Variants in EHHADH observed in about 807,000 individuals in gnomAD.
EHHADH encodes the protein enoyl-CoA hydratase and 3-hydroxyacyl CoA dehydrogenase.
In EHHADH, 48 loss-of-function variants were observed where a neutral mutation model predicts 64.4. The ratio of observed to expected loss-of-function variants is 0.75; its 90% confidence interval spans 0.59 to 0.95. The LOEUF (loss-of-function observed/expected upper bound fraction) is 0.95, where lower values mean the gene tolerates loss of function less well. Among genes scored for constraint, EHHADH ranks in the 40% least tolerant of loss-of-function variants. The pLI is 0.00. For synonymous variants in EHHADH, 308 were observed against 326.7 expected, an observed-to-expected ratio of 0.94 and a Z score of 0.62; for missense variants, 854 against 876.6, an observed-to-expected ratio of 0.97 and a Z score of 0.33.
intron 1 of EHHADH, 177 bp downstream of exon 1, chr3:185,253,772 A>AAGAAAG: frequency 2.3e-6 from 3 of 1,332,156 alleles, no homozygotes; most frequent in Admixed American, 6.5e-5. Flanking sequence ...AAAAAAAAAA[A>AAGAAAG]AAAAGAAAAG....
chr3:185,192,314 C>T lies in EHHADH; in HGVS notation c.2084G>A (p.Ser695Asn), dbSNP rs779197565. The T allele has an allele frequency of 6.2e-7, 1 of 1,614,122 alleles. No homozygotes were observed. The highest frequency in any genetic ancestry group is 1.1e-5 in the South Asian group (1 of 91,072). Residue 695 changes from serine to asparagine, a missense_variant, in exon 7 of 7, where the codon AGT becomes AAT. Coordinates refer to ENST00000231887, the MANE Select transcript of EHHADH (RefSeq NM_001966.4). ...AGAAGCCAGTTTTTTTAGATAGTCA[C>T]TTGGCTCCAGTTGGGGAATATCAGG... ...QNPDIPQLEP[S>N]DYLKKLASQG...
intron 6 of EHHADH, among the ~76,000 whole-genome samples, chr3:185,200,034 G>A (rs1718182812): frequency 6.6e-6 from 1 of 152,206 alleles, no homozygotes; most frequent in Non-Finnish European, 1.5e-5. Flanking sequence ...TTATCATGGA[G>A]AATGGCAGAG....
At chr3:185,215,231 T>C (rs1476536115) in intron 5 of EHHADH, among the ~76,000 whole-genome samples, 1 of 152,188 alleles carries the variant, frequency 6.6e-6, no homozygotes, top group Non-Finnish European at 1.5e-5. Context: ...CTACAAAGAC[T>C]TGTGTAGGCC....
chr3:185,235,884 G>A (rs1018379697), intron 2 of EHHADH, among the ~76,000 whole-genome samples: 2 of 152,102 alleles, frequency 1.3e-5, no homozygotes, highest in Non-Finnish European at 2.9e-5. Flanking sequence ...TCTATTCACA[G>A]CAACTTAGCT....
At chr3:185,224,034 TA>T (rs1718904953) in intron 4 of EHHADH, among the ~76,000 whole-genome samples, 2 of 152,182 alleles carry the variant, frequency 1.3e-5, no homozygotes, top group South Asian at 4.1e-4. Context: ...TTACCTGTCT[TA>T]TGGATTTCAG....
At chr3:185,229,340 A>G (rs1719090851) in intron 4 of EHHADH, 92 bp downstream of exon 4, 3 of 613,558 alleles carry the variant, frequency 4.9e-6, no homozygotes, top group Non-Finnish European at 7.4e-6. Flanking sequence ...TTATGGTTAC[A>G]TAGGGAGTAG....
chr3:185,221,882 A>T (rs1032954329), intron 4 of EHHADH, among the ~76,000 whole-genome samples: 1 of 151,720 alleles, frequency 6.6e-6, no homozygotes, highest in Non-Finnish European at 1.5e-5. Context: ...CCCGCCTCAC[A>T]TTATTTTCTA....
intron 2 of EHHADH, among the ~76,000 whole-genome samples, chr3:185,235,992 TTA>T (rs1719281831): frequency 1.3e-5 from 2 of 152,182 alleles, no homozygotes; most frequent in African/African-American, 2.4e-5. Context: ...CAGCTTAGAA[TTA>T]TGTTTTTGTA....
At chr3:185,236,365 C>CCCCCCACCATCCCAGGCCTGCA (rs1719294698) in intron 2 of EHHADH, among the ~76,000 whole-genome samples, 1 of 134,284 alleles carries the variant, frequency 7.4e-6, no homozygotes, top group Non-Finnish European at 1.6e-5. Flanking sequence ...CAATCCCTGC[C>CCCCCCACCATCCCAGGCCTGCA]CCCCCACCCT....
chr3:185,237,837 T>G (rs58949226), intron 2 of EHHADH, among the ~76,000 whole-genome samples: 2,157 of 152,296 alleles, frequency 0.014, 62 homozygotes, highest in African/African-American at 0.049. Flanking sequence ...AGTCTGGGTT[T>G]TTGGTGTGCC....
intron 2 of EHHADH, among the ~76,000 whole-genome samples, chr3:185,244,773 C>A (rs1294617163): frequency 1.3e-5 from 2 of 152,138 alleles, no homozygotes; most frequent in African/African-American, 4.8e-5. Flanking sequence ...AGGAAGGATT[C>A]TTCCCTAAAG....
At chr3:185,210,526 C>T (rs900419343) in intron 5 of EHHADH, among the ~76,000 whole-genome samples, 4 of 150,794 alleles carry the variant, frequency 2.7e-5, no homozygotes, top group East Asian at 3.9e-4. Flanking sequence ...AGCTACTACT[C>T]GGGAGGCTGA....
At position 185,206,583 on chromosome 3, in the gene EHHADH, TTTG is replaced by T. The variant is rs1454121008; in HGVS notation, c.569-1829_569-1827del. 2.6e-5 allele frequency among the ~76,000 whole-genome samples: 4 copies of T among 152,090 alleles called. No homozygotes were observed. The East Asian group carries it at 7.7e-4, about 29-fold the overall frequency. ...TGGCTCACGCCTGTAATCCTAGCAC[TTTG>T]GGAGGCCGAGGCGGGTGGATTGTCT... On this transcript the variant is annotated intron_variant, in intron 5 of 6. Coordinates refer to ENST00000231887, the MANE Select transcript of EHHADH (RefSeq NM_001966.4).
Position 185,192,530 on chromosome 3 carries a change from C to A in EHHADH, c.1868G>T (p.Cys623Phe). The A allele has an allele frequency of 6.2e-7, 1 of 1,614,190 alleles. No individual in the cohort carries two copies. ...TISQDEILER[C>F]LYSLINEAFR... Reference sequence around the variant, plus strand: ...TGCTTCATTGATAAGTGAATATAAGCAGCGTTCAAGGATCTCATCCTGGCT... The same window carrying A: ...TGCTTCATTGATAAGTGAATATAAGAAGCGTTCAAGGATCTCATCCTGGCT... Residue 623 changes from cysteine (C) to phenylalanine (F), a missense_variant, in exon 7 of 7, where the codon TGC (cysteine) becomes TTC (phenylalanine). Coordinates refer to ENST00000231887, the MANE Select transcript of EHHADH (RefSeq NM_001966.4).
chr3:185,235,529 G>T, intron 2 of EHHADH, 67 bp from the exon 3 acceptor site: 1 of 1,298,848 alleles, frequency 7.7e-7, no homozygotes, highest in Non-Finnish European at 1.0e-6. Flanking sequence ...ATAACAGTAA[G>T]TTACCTGATA....
chr3:185,240,217 A>G (rs1719409967), intron 2 of EHHADH, among the ~76,000 whole-genome samples: 2 of 144,334 alleles, frequency 1.4e-5, no homozygotes, highest in African/African-American at 5.1e-5. Flanking sequence ...ATTGGCCTTT[A>G]GTTTTTGTTT....
chr3:185,199,214 T>A (rs945602733), intron 6 of EHHADH, among the ~76,000 whole-genome samples: 2 of 152,172 alleles, frequency 1.3e-5, no homozygotes, highest in African/African-American at 4.8e-5. Context: ...GGGAGAAATA[T>A]TTTAAGCAAA....
intron 4 of EHHADH, among the ~76,000 whole-genome samples, chr3:185,221,223 A>G (rs1718824065): frequency 6.6e-6 from 1 of 152,078 alleles, no homozygotes; most frequent in Non-Finnish European, 1.5e-5. Flanking sequence ...AAACCCTCAA[A>G]TTTACAGACT....
chr3:185,236,114 A>G (rs533995715), intron 2 of EHHADH, among the ~76,000 whole-genome samples: 4 of 152,208 alleles, frequency 2.6e-5, no homozygotes, highest in Non-Finnish European at 5.9e-5. Flanking sequence ...GAACATGAAG[A>G]TCACCCTAAA....
Sources: allele counts gnomAD v4.1 joint callset (sites outside exome capture counted in the v4.1 genomes callset), GRCh38; gene constraint gnomAD v4.1.1; transcripts MANE v1.5; gene names NCBI Gene and HGNC (gene_info 2026-07-23, HGNC 2026-07-21).